The following IQSEC1 variants were observed in gnomAD, a reference collection of about 807,000 sequenced individuals.
IQSEC1 encodes IQ motif and Sec7 domain ArfGEF 1.
In IQSEC1, 31 loss-of-function variants were observed where a neutral mutation model predicts 91.0. That is an observed-to-expected ratio of 0.34 (90% CI 0.26 to 0.46). The LOEUF (loss-of-function observed/expected upper bound fraction) is 0.46. Ranked by LOEUF, IQSEC1 falls within the 20% of genes least tolerant of loss-of-function variation. The probability of loss-of-function intolerance (pLI) is 1.00; values close to 1 mark genes in which losing one functional copy is unlikely to be tolerated. For synonymous variants in IQSEC1, 699 were observed against 662.6 expected (o/e 1.05, Z -0.84); for missense variants, 1,388 against 1,575.6 (o/e 0.88, Z 2.02).
chr3:13,055,312 G>C (rs1704836219), intron 1 of IQSEC1, among the ~76,000 whole-genome samples: 1 of 152,086 alleles, frequency 6.6e-6, no homozygotes, highest in African/African-American at 2.4e-5. Flanking sequence ...GACTTGTCTG[G>C]GCCTCAGTTT....
chr3:13,106,175 C>T (rs976945577), intron 2 of IQSEC1, among the ~76,000 whole-genome samples: 4 of 152,176 alleles, frequency 2.6e-5, no homozygotes, highest in Admixed American at 1.3e-4. Context: ...GCCCAGAAGC[C>T]TTCCATAATC....
chr3:12,968,173 C>T (rs904000847), intron 1 of IQSEC1, among the ~76,000 whole-genome samples: 7 of 152,310 alleles, frequency 4.6e-5, no homozygotes, highest in Middle Eastern at 3.4e-3. Flanking sequence ...CTGCCTATCC[C>T]GATTTTGCCT....
At chr3:13,228,711 C>T (rs185685592) in intron 1 of IQSEC1, among the ~76,000 whole-genome samples, 91 of 152,342 alleles carry the variant, frequency 6.0e-4, no homozygotes, top group African/African-American at 2.1e-3. Context: ...CCCTTGCCCT[C>T]TGTGCTCCAA....
chr3:13,246,834 G>A (rs1337875684), intron 1 of IQSEC1, among the ~76,000 whole-genome samples: 7 of 152,150 alleles, frequency 4.6e-5, no homozygotes, highest in Admixed American at 4.6e-4. Context: ...CGAGCTATGA[G>A]CCCTGCCACC....
intron 1 of IQSEC1, among the ~76,000 whole-genome samples, chr3:12,968,158 A>T (rs1700729352): frequency 1.3e-5 from 2 of 152,092 alleles, no homozygotes; most frequent in African/African-American, 2.4e-5. Context: ...ATGCCTACTC[A>T]ACATCTGCCT....
intron 1 of IQSEC1, among the ~76,000 whole-genome samples, chr3:12,957,409 A>G (rs1699977592): frequency 6.6e-6 from 1 of 152,236 alleles, no homozygotes; most frequent in Admixed American, 6.5e-5. Context: ...TCACTCGGAA[A>G]GATTTTTCAG....
At chr3:13,148,732 C>A (rs1260581511) in intron 2 of IQSEC1, among the ~76,000 whole-genome samples, 1 of 152,248 alleles carries the variant, frequency 6.6e-6, no homozygotes, top group Non-Finnish European at 1.5e-5. Context: ...CTGGCCCCTG[C>A]AGGCTTCTGA....
chr3:13,121,932 G>A (rs1706431582), intron 2 of IQSEC1, among the ~76,000 whole-genome samples: 15 of 152,244 alleles, frequency 9.9e-5, no homozygotes, highest in Admixed American at 9.8e-4. Flanking sequence ...GCTGAATGGG[G>A]ACCTTCATCC....
chr3:13,148,976 G>A (rs1258552082), intron 2 of IQSEC1, among the ~76,000 whole-genome samples: 1 of 152,242 alleles, frequency 6.6e-6, no homozygotes, highest in Non-Finnish European at 1.5e-5. Flanking sequence ...GCAAGAGCTG[G>A]GAAGAACCGC....
intron 2 of IQSEC1, among the ~76,000 whole-genome samples, chr3:13,151,919 T>G (rs777524666): frequency 5.3e-5 from 8 of 152,006 alleles, no homozygotes; most frequent in Non-Finnish European, 1.2e-4. Context: ...CGACCCAAGA[T>G]CGAGTCACTG....
In IQSEC1 at chr3:13,259,832, C is replaced by G. The variant is rs900190888; in HGVS notation, c.272+22879G>C. Among the ~76,000 whole-genome samples the G allele has an allele frequency of 2.0e-5, 3 of 152,256 alleles. No homozygotes were observed. The highest frequency in any genetic ancestry group is 4.8e-5 in the African/African-American group (2 of 41,466). ...GCCACCCAAGAAAAGGTCAACGGGGCTTGCTTGTTGTGGCGCTCAGCGGGA... is the reference window on the plus strand; with the variant it reads ...GCCACCCAAGAAAAGGTCAACGGGGGTTGCTTGTTGTGGCGCTCAGCGGGA... On this transcript the variant is annotated intron_variant, in intron 1 of 15. Coordinates refer to the IQSEC1 transcript ENST00000648114. This position sits in a 1 kb window ranked among gnomAD's most constrained non-coding sequence, Gnocchi z 4.6.
chr3:12,913,578 C>T (rs369079955), intron 8 of IQSEC1, 25 bp from the exon 9 acceptor site: 84 of 1,591,280 alleles, frequency 5.3e-5, no homozygotes, highest in African/African-American at 1.3e-4. Context: ...GCTGTCCTGC[C>T]ACGGCCGCCC....
At chr3:12,914,972 C>G (rs1448744543) in intron 8 of IQSEC1, 132 bp downstream of exon 8, 9 of 849,532 alleles carry the variant, frequency 1.1e-5, no homozygotes, top group Non-Finnish European at 1.7e-5. Flanking sequence ...ATCTGATTCT[C>G]AGCACCCCAG....
At chr3:13,041,370 G>A (rs563078627) in intron 1 of IQSEC1, among the ~76,000 whole-genome samples, 2 of 152,166 alleles carry the variant, frequency 1.3e-5, no homozygotes, top group South Asian at 2.1e-4. Context: ...TACAGCTGCC[G>A]TGAGACCCTC....
At chr3:13,196,009 G>C (rs1486926836) in intron 1 of IQSEC1, among the ~76,000 whole-genome samples, 1 of 152,176 alleles carries the variant, frequency 6.6e-6, no homozygotes, top group Non-Finnish European at 1.5e-5. Flanking sequence ...CTGAATAGAA[G>C]GTTACTTTTT....
chr3:12,942,475 C>T (rs1219135853), intron 1 of IQSEC1, among the ~76,000 whole-genome samples: 1 of 151,940 alleles, frequency 6.6e-6, no homozygotes, highest in Non-Finnish European at 1.5e-5. Flanking sequence ...TGGTGGTGGT[C>T]GCCTGTAGTC....
chr3:13,257,261 T>TAAGCTGCCCCTGAG (rs1276859678), intron 1 of IQSEC1, among the ~76,000 whole-genome samples: 2 of 152,136 alleles, frequency 1.3e-5, no homozygotes, highest in African/African-American at 4.8e-5. Context: ...ATTTCACATG[T>TAAGCTGCCCCTGAG]AAGCTGCCCC....
At position 12,994,133 on chromosome 3, in the gene IQSEC1, G is replaced by C. The variant is rs1240655805; in HGVS notation, c.24-52268C>G. Among the ~76,000 whole-genome samples the C allele has an allele frequency of 6.8e-6, 1 of 146,252 alleles. No individual in the cohort carries two copies. Among genetic ancestry groups the C allele is most frequent in the Non-Finnish European group, 1.5e-5 (1 of 65,808 alleles). ...AGCGCGCCGTCCCCGCGGCCGGCGC[G>C]GCCCCAGAGCGTCCGGTGGCCGGGC... On this transcript the variant is annotated intron_variant, in intron 1 of 13. Coordinates refer to ENST00000613206, the MANE Select transcript of IQSEC1 (RefSeq NM_001134382.3). The surrounding 1 kb of genome is among the most constrained non-coding windows in gnomAD (Gnocchi z 4.5).
chr3:13,026,084 G>C (rs970436234), intron 1 of IQSEC1, among the ~76,000 whole-genome samples: 1 of 152,236 alleles, frequency 6.6e-6, no homozygotes, highest in Non-Finnish European at 1.5e-5. Flanking sequence ...GCCAGCAGCG[G>C]CCCTGGCAGG....
Sources: allele counts gnomAD v4.1 joint callset (sites outside exome capture counted in the v4.1 genomes callset), GRCh38; gene constraint gnomAD v4.1.1; non-coding constraint Gnocchi (gnomAD v3.1); transcripts MANE v1.5; gene names NCBI Gene and HGNC (gene_info 2026-07-23, HGNC 2026-07-21).